NKAIN2: variants seen among roughly 807,000 people sequenced by gnomAD.
NKAIN2 encodes sodium/potassium transporting ATPase interacting 2.
In NKAIN2, 14 loss-of-function variants were observed where a neutral mutation model predicts 32.6. That is an observed-to-expected ratio of 0.43 (90% confidence interval 0.28 to 0.67). NKAIN2 has a LOEUF of 0.67. Among genes scored for constraint, NKAIN2 ranks in the 30% least tolerant of loss-of-function variants. The pLI is 0.17. For missense variants in NKAIN2, 198 were observed against 258.3 expected (o/e 0.77, Z 1.60); for synonymous variants, 80 against 87.2 (o/e 0.92, Z 0.46).
At chr6:123,967,531 CTCA>C (rs1202180656) in intron 1 of NKAIN2, among the ~76,000 whole-genome samples, 1 of 152,012 alleles carries the variant, frequency 6.6e-6, no homozygotes, top group East Asian at 1.9e-4. Context: ...TTTTCATGTC[CTCA>C]TCATATTTCC....
At chr6:124,815,262 G>GTGTATATATATGTATATA (rs1781109487) in intron 5 of NKAIN2, among the ~76,000 whole-genome samples, 2 of 135,710 alleles carry the variant, frequency 1.5e-5, no homozygotes, top group African/African-American at 5.7e-5. Flanking sequence ...ATATATATAT[G>GTGTATATATATGTATATA]TGTATATATA....
intron 4 of NKAIN2, among the ~76,000 whole-genome samples, chr6:124,778,351 T>C (rs1262964201): frequency 1.3e-5 from 2 of 151,244 alleles, no homozygotes; most frequent in African/African-American, 2.4e-5. Context: ...TTTTAAATAA[T>C]ACTTCAAAAA....
At chr6:123,967,556 C>T (rs1269103353) in intron 1 of NKAIN2, among the ~76,000 whole-genome samples, 1 of 152,080 alleles carries the variant, frequency 6.6e-6, no homozygotes, top group Admixed American at 6.6e-5. Flanking sequence ...ATACACTGGG[C>T]CAGAACTGGT....
At chr6:124,343,936 G>A (rs1257941849) in intron 2 of NKAIN2, among the ~76,000 whole-genome samples, 26 of 145,628 alleles carry the variant, frequency 1.8e-4, no homozygotes, top group Non-Finnish European at 1.5e-4. Context: ...TATTGCCTAG[G>A]TTTTCTTCTA....
rs573937517 is a variant in NKAIN2 at position 124,743,936 on chromosome 6, T to C, written c.475-47403T>C. 2.0e-5 allele frequency among the ~76,000 whole-genome samples: 3 copies of C among 151,988 alleles called. No individual in the cohort carries two copies. The South Asian group carries it at 6.2e-4, about 32-fold the overall frequency. On this transcript the variant is annotated intron_variant, in intron 4 of 6. Transcript: ENST00000368417. ...GACAGTTTATTAATTTATAAAATTGTGAATAATGACCAAATTATTAATTTC... is the reference window on the plus strand; with the variant it reads ...GACAGTTTATTAATTTATAAAATTGCGAATAATGACCAAATTATTAATTTC...
chr6:124,372,115 A>C (rs1799796730), intron 3 of NKAIN2, among the ~76,000 whole-genome samples: 1 of 152,130 alleles, frequency 6.6e-6, no homozygotes, highest in Admixed American at 6.6e-5. Context: ...TTGATGATAA[A>C]TTTATTGGTA....
chr6:124,338,115 A>G (rs987954281), intron 2 of NKAIN2, among the ~76,000 whole-genome samples: 2 of 152,194 alleles, frequency 1.3e-5, no homozygotes, highest in Non-Finnish European at 2.9e-5. Context: ...CTATCCCAGG[A>G]TACATCAGTT....
chr6:124,454,108 G>C (rs560711568), intron 3 of NKAIN2, among the ~76,000 whole-genome samples: 10 of 31,818 alleles, frequency 3.1e-4, no homozygotes, highest in Admixed American at 1.5e-3. Context: ...TTTTTTTTTG[G>C]GGGGGGGGGT....
At chr6:124,331,379 A>AAAAAAAAAAAAAAG (rs1797651235) in intron 2 of NKAIN2, among the ~76,000 whole-genome samples, 1 of 126,808 alleles carries the variant, frequency 7.9e-6, no homozygotes, top group African/African-American at 2.8e-5. Context: ...AAAAAAAAAA[A>AAAAAAAAAAAAAAG]CTAGCTGGGC....
At chr6:123,947,471 A>G (rs923600094) in intron 1 of NKAIN2, among the ~76,000 whole-genome samples, 4 of 152,158 alleles carry the variant, frequency 2.6e-5, no homozygotes, top group African/African-American at 9.7e-5. Context: ...CCTATACTGT[A>G]TACCACCAGA....
chr6:124,089,613 C>T (rs1290922070), intron 1 of NKAIN2, among the ~76,000 whole-genome samples: 3 of 151,882 alleles, frequency 2.0e-5, no homozygotes, highest in Admixed American at 2.0e-4. Flanking sequence ...AATCAAAGCA[C>T]AAGACTATTG....
intron 1 of NKAIN2, among the ~76,000 whole-genome samples, chr6:124,231,924 G>T (rs1232020276): frequency 1.3e-5 from 2 of 151,628 alleles, no homozygotes; most frequent in Non-Finnish European, 2.9e-5. Flanking sequence ...ACATAGAAAA[G>T]ACATTTATTC....
intron 4 of NKAIN2, among the ~76,000 whole-genome samples, chr6:124,691,874 A>G (rs1312143306): frequency 6.6e-6 from 1 of 152,204 alleles, no homozygotes; most frequent in Admixed American, 6.6e-5. Context: ...TATACTTTAC[A>G]ATATAGTTTT....
chr6:124,754,435 C>T (rs151090047), intron 4 of NKAIN2, among the ~76,000 whole-genome samples: 2 of 144,498 alleles, frequency 1.4e-5, no homozygotes, highest in African/African-American at 5.1e-5. Context: ...TTCATGTTAA[C>T]CCCATAAAAA....
At chr6:124,052,793 G>A (rs936432363) in intron 1 of NKAIN2, among the ~76,000 whole-genome samples, 2 of 152,040 alleles carry the variant, frequency 1.3e-5, no homozygotes, top group African/African-American at 2.4e-5. Flanking sequence ...AAAGTCAGGG[G>A]ACAAAAAGTC....
intron 1 of NKAIN2, among the ~76,000 whole-genome samples, chr6:124,112,369 C>T (rs1785425282): frequency 6.6e-6 from 1 of 152,082 alleles, no homozygotes; most frequent in Non-Finnish European, 1.5e-5. Flanking sequence ...CTTTTTCCTT[C>T]AGCACTTTGA....
intron 5 of NKAIN2, among the ~76,000 whole-genome samples, chr6:124,815,056 G>A (rs1781081524): frequency 6.6e-6 from 1 of 151,542 alleles, no homozygotes; most frequent in Admixed American, 6.6e-5. Flanking sequence ...CACCATGGTA[G>A]AGACCATCCT....
intron 3 of NKAIN2, among the ~76,000 whole-genome samples, chr6:124,559,436 C>T (rs1473914226): frequency 6.6e-6 from 1 of 152,128 alleles, no homozygotes; most frequent in African/African-American, 2.4e-5. Context: ...TCCTAGCCTT[C>T]AGCGATAGAC....
intron 4 of NKAIN2, among the ~76,000 whole-genome samples, chr6:124,712,382 C>A (rs1406834699): frequency 1.9e-4 from 22 of 114,922 alleles, no homozygotes; most frequent in African/African-American, 3.2e-4. Flanking sequence ...TTTACCTAAT[C>A]AAGCCTGGGC....
Sources: allele counts gnomAD v4.1 joint callset (sites outside exome capture counted in the v4.1 genomes callset), GRCh38; gene constraint gnomAD v4.1.1; transcripts MANE v1.5; gene names NCBI Gene and HGNC (gene_info 2026-07-23, HGNC 2026-07-21).